MELK: variants seen among roughly 807,000 people sequenced by gnomAD.
MELK encodes the protein maternal embryonic leucine zipper kinase.
Under a neutral mutation model 85.0 loss-of-function variants are expected in MELK, and 81 were observed. That is an observed-to-expected ratio of 0.95 (90% CI 0.80 to 1.15). MELK has a LOEUF of 1.15. Among genes scored for constraint, MELK ranks in the 50% most tolerant of loss-of-function variants. MELK has a pLI of 0.00. For missense variants in MELK, 754 were observed against 777.5 expected (o/e 0.97, Z 0.36); for synonymous variants, 252 against 265.0 (o/e 0.95, Z 0.48).
chr9:36,642,515 G>A (rs1829854342), intron 10 of MELK, among the ~76,000 whole-genome samples: 3 of 133,848 alleles, frequency 2.2e-5, no homozygotes, highest in Non-Finnish European at 3.1e-5. Context: ...TGCAGCCTCC[G>A]CCTCCTGGGT....
At chr9:36,629,916 C>T (rs1452547729) in intron 8 of MELK, 1 of 147,342 alleles carries the variant, frequency 6.8e-6, no homozygotes, top group Non-Finnish European at 1.5e-5. Context: ...ACGATCTCGG[C>T]TCACTGCAAC....
chr9:36,594,885 T>TG, intron 5 of MELK, 114 bp downstream of exon 5: 1 of 1,260,462 alleles, frequency 7.9e-7, no homozygotes. Context: ...TTGTTGTTGT[T>TG]GCTCCAGTCA....
In MELK at chr9:36,588,181, A is replaced by C. The variant is rs1318734925; in HGVS notation, c.145-1355A>C. On this transcript the variant is annotated intron_variant, in intron 3 of 17. Transcript: ENST00000298048. Reference sequence around the variant, plus strand: ...AAGCAATTCTCCTGCCTCAGCCTCCAGAGTAGCTGGGATTACAGACATGCG... The same window carrying C: ...AAGCAATTCTCCTGCCTCAGCCTCCCGAGTAGCTGGGATTACAGACATGCG... Among the ~76,000 whole-genome samples the C allele has an allele frequency of 5.1e-3, 611 of 120,182 alleles. No individual in the cohort carries two copies. In the Middle Eastern group the frequency reaches 0.091, roughly 18 times the overall value. The allele number at this position is 120,182 out of a possible 152,430, so 78.8% of individuals were successfully genotyped here.
At chr9:36,597,894 C>T (rs1162472032) in intron 6 of MELK, among the ~76,000 whole-genome samples, 2 of 152,194 alleles carry the variant, frequency 1.3e-5, no homozygotes, top group African/African-American at 4.8e-5. Context: ...AGCAGATCTC[C>T]TGTGTGGCTG....
chr9:36,665,206 A>G, intron 13 of MELK, 144 bp from the exon 14 acceptor site: 1 of 609,636 alleles, frequency 1.6e-6, no homozygotes, highest in South Asian at 2.3e-5. Flanking sequence ...ATATATTTTC[A>G]AATTTCCTAA....
At chr9:36,618,456 CAT>C (rs1423256622) in intron 8 of MELK, among the ~76,000 whole-genome samples, 7 of 151,654 alleles carry the variant, frequency 4.6e-5, no homozygotes, top group African/African-American at 7.3e-5. Context: ...TCAACGTAGC[CAT>C]ATATACTTAA....
chr9:36,659,756 A>T (rs1040234231), intron 13 of MELK, among the ~76,000 whole-genome samples: 4 of 152,230 alleles, frequency 2.6e-5, no homozygotes, highest in African/African-American at 9.6e-5. Context: ...CCTCAAGGTC[A>T]GCTTGAGGTG....
intron 4 of MELK, among the ~76,000 whole-genome samples, chr9:36,592,548 A>G (rs186176847): frequency 6.6e-6 from 1 of 152,044 alleles, no homozygotes; most frequent in African/African-American, 2.4e-5. Flanking sequence ...CATATATTTT[A>G]TACGTATGTG....
At chr9:36,608,493 G>A (rs549270718) in intron 8 of MELK, among the ~76,000 whole-genome samples, 1 of 152,002 alleles carries the variant, frequency 6.6e-6, no homozygotes, top group South Asian at 2.1e-4. Flanking sequence ...GCATCCATGG[G>A]TGTCTTGGAA....
At chr9:36,607,441 C>T in intron 7 of MELK, 134 bp from the exon 8 acceptor site, 1 of 672,234 alleles carries the variant, frequency 1.5e-6, no homozygotes, top group South Asian at 2.0e-5. Context: ...ATAGAATAAG[C>T]AGGTTGAAAT....
chr9:36,631,068 A>T (rs886301120), intron 9 of MELK, among the ~76,000 whole-genome samples: 1 of 148,968 alleles, frequency 6.7e-6, no homozygotes, highest in Non-Finnish European at 1.5e-5. Flanking sequence ...GGTTCAAGTA[A>T]TTCTCCTGCC....
At chr9:36,647,035 G>A (rs1049502621) in intron 11 of MELK, among the ~76,000 whole-genome samples, 2 of 152,180 alleles carry the variant, frequency 1.3e-5, no homozygotes, top group African/African-American at 4.8e-5. Context: ...TAACTAATGT[G>A]TTGATTTATC....
At chr9:36,639,142 A>T (rs535962461) in intron 10 of MELK, among the ~76,000 whole-genome samples, 1 of 152,278 alleles carries the variant, frequency 6.6e-6, no homozygotes, top group Non-Finnish European at 1.5e-5. Context: ...CTGAGTCTTC[A>T]TTTTATCACC....
In MELK at chr9:36,599,304, A is replaced by AAG; in HGVS notation, c.475-89_475-88insGA. 3.0e-5 allele frequency: 13 copies of AAG among 429,128 alleles called. No individual in the cohort carries two copies. In the African/African-American group the frequency reaches 3.6e-4, roughly 12 times the overall value. The allele number at this position is 429,128 out of a possible 1,614,324, so 26.6% of individuals were successfully genotyped here. ...TGACAGAGTGAGACTCCGTCTCAAA[A>AAG]AAAAAAAAAAAAAAAAAAAAGAATG... On this transcript the variant is annotated intron_variant, in intron 6 of 17. Coordinates refer to ENST00000298048, the MANE Select transcript of MELK (RefSeq NM_014791.4).
chr9:36,648,560 A>G (rs1830425475), intron 11 of MELK, among the ~76,000 whole-genome samples: 1 of 152,188 alleles, frequency 6.6e-6, no homozygotes, highest in Non-Finnish European at 1.5e-5. Context: ...ACAATTCTGA[A>G]ATGGATGCGC....
At chr9:36,603,871 A>C (rs1265568877) in intron 7 of MELK, among the ~76,000 whole-genome samples, 2 of 152,064 alleles carry the variant, frequency 1.3e-5, no homozygotes, top group African/African-American at 4.8e-5. Context: ...TTTTCTAATA[A>C]GTGTTGGTAG....
chr9:36,607,402 A>C (rs1825662370), intron 7 of MELK, among the ~76,000 whole-genome samples, 173 bp from the exon 8 acceptor site: 1 of 152,240 alleles, frequency 6.6e-6, no homozygotes. Context: ...GACTTTAGGC[A>C]AGCCTCCTTA....
chr9:36,615,467 A>T (rs1245710852), intron 8 of MELK, among the ~76,000 whole-genome samples: 1 of 122,298 alleles, frequency 8.2e-6, no homozygotes, highest in Non-Finnish European at 1.7e-5. Context: ...TCCCTCCCGG[A>T]TGGGGCGGCT....
At chr9:36,585,302 G>GTTTTTTTTTTTTTT (rs869244728) in intron 3 of MELK, among the ~76,000 whole-genome samples, 3 of 77,818 alleles carry the variant, frequency 3.9e-5, no homozygotes, top group Non-Finnish European at 7.1e-5. Context: ...ACCATTCTTT[G>GTTTTTTTTTTTTTT]TTTTTTTTTT....
Sources: gnomAD v4.1 joint callset for allele counts (sites outside exome capture counted in the v4.1 genomes callset) on GRCh38, gnomAD v4.1.1 for gene constraint, MANE v1.5 for transcripts, NCBI Gene and HGNC (gene_info 2026-07-23, HGNC 2026-07-21) for gene names.